CFAP20DC: variants seen among roughly 807,000 people sequenced by gnomAD.
The protein encoded by CFAP20DC is protein CFAP20DC.
Under a neutral mutation model 101.7 loss-of-function variants are expected in CFAP20DC, and 84 were observed. The ratio of observed to expected loss-of-function variants is 0.83; its 90% confidence interval spans 0.69 to 0.99. The LOEUF (loss-of-function observed/expected upper bound fraction) is 0.99, where lower values mean the gene tolerates loss of function less well. Among genes scored for constraint, CFAP20DC ranks in the 50% least tolerant of loss-of-function variants. CFAP20DC has a pLI of 0.00. For missense variants in CFAP20DC, 1,007 were observed against 970.3 expected, an observed-to-expected ratio of 1.04 and a Z score of -0.50; for synonymous variants, 359 against 351.2, an observed-to-expected ratio of 1.02 and a Z score of -0.25.
rs2067602587 is a variant in CFAP20DC, at chr3:58,729,406, A to G, written c.198-11778T>C. The stretch of plus-strand genomic sequence containing the variant: ...TTTATTAATATTTTGTGTCTTGTAT[A>G]CAGTAAAACAATTGATTTTTATATA... On this transcript the variant is annotated intron_variant, in intron 3 of 3. Transcript: ENST00000486145. This position sits in a 1 kb window ranked among gnomAD's most constrained non-coding sequence, Gnocchi z 4.4. Among the ~76,000 whole-genome samples the G allele has an allele frequency of 6.6e-6, 1 of 152,164 alleles. No homozygotes were observed. The highest frequency in any genetic ancestry group is 1.5e-5 in the Non-Finnish European group (1 of 68,022).
At chr3:59,030,672 C>T (rs1207622253) in intron 4 of CFAP20DC, among the ~76,000 whole-genome samples, 1 of 152,138 alleles carries the variant, frequency 6.6e-6, no homozygotes, top group Admixed American at 6.5e-5. Flanking sequence ...TTTTCCTATC[C>T]TTAAATAGGT....
At chr3:59,036,059 C>G (rs2094096956) in intron 4 of CFAP20DC, among the ~76,000 whole-genome samples, 1 of 152,180 alleles carries the variant, frequency 6.6e-6, no homozygotes, top group Admixed American at 6.5e-5. Flanking sequence ...ACCTCATGAT[C>G]TCAACAGATG....
At chr3:58,746,008 G>T (rs2365077) in intron 16 of CFAP20DC, among the ~76,000 whole-genome samples, 3,978 of 152,222 alleles carry the variant, frequency 0.026, 184 homozygotes, top group African/African-American at 0.09. Context: ...TGGAAAACAG[G>T]ATATGTGAGC....
rs538949801 is a variant in CFAP20DC at position 58,938,331 on chromosome 3, T to C, written c.279-569A>G. Among the ~76,000 whole-genome samples the C allele has an allele frequency of 3.9e-5, 6 of 152,292 alleles. No individual in the cohort carries two copies. In the East Asian group the frequency reaches 9.6e-4, roughly 24 times the overall value. ...CAACCCACAGTGATACCAAGGACAC[T>C]GAATCTGAACATCTTTAATAGATTT... On this transcript the variant is annotated intron_variant, in intron 4 of 16. Transcript: ENST00000482387.
intron 7 of CFAP20DC, among the ~76,000 whole-genome samples, chr3:58,878,533 A>T (rs73837998): frequency 0.055 from 8,420 of 152,248 alleles, 757 homozygotes; most frequent in African/African-American, 0.19. Flanking sequence ...AAACAAGTTT[A>T]TCATTTCAAG....
chr3:58,944,071 A>G (rs1410143765), intron 4 of CFAP20DC, among the ~76,000 whole-genome samples: 2 of 152,212 alleles, frequency 1.3e-5, no homozygotes, highest in Non-Finnish European at 2.9e-5. Flanking sequence ...AGATGGAACT[A>G]TGTAAAATGA....
intron 5 of CFAP20DC, among the ~76,000 whole-genome samples, chr3:58,932,464 A>G (rs919193078): frequency 2.0e-5 from 3 of 152,092 alleles, no homozygotes; most frequent in African/African-American, 7.3e-5. Flanking sequence ...TCCAAGACAC[A>G]TAATTGTCAG....
Position 58,861,272 on chromosome 3 carries a change from CATA to C in CFAP20DC, c.1593+2283_1593+2285del. The C allele has an allele frequency of 1.6e-6, 1 of 641,056 alleles. No individual in the cohort carries two copies. The allele number at this position is 641,056 out of a possible 1,614,324, so 39.7% of individuals were successfully genotyped here. On this transcript the variant is annotated intron_variant, in intron 12 of 16. Transcript: ENST00000482387. The surrounding 1 kb of genome is among the most constrained non-coding windows in gnomAD (Gnocchi z 4.0). ...TTAATTACACTTTATAAACTTCAAGCATAATAATATAATTGTTATTCACTTGTC... is the reference window on the plus strand; with the variant it reads ...TTAATTACACTTTATAAACTTCAAGCATAATATAATTGTTATTCACTTGTC...
intron 15 of CFAP20DC, among the ~76,000 whole-genome samples, chr3:58,798,326 T>C (rs1374553341): frequency 6.6e-6 from 1 of 152,116 alleles, no homozygotes; most frequent in African/African-American, 2.4e-5. Context: ...GTTCCAACCA[T>C]CATGGATGAC....
chr3:58,862,859 A>C, intron 12 of CFAP20DC: 1 of 985,036 alleles, frequency 1.0e-6, no homozygotes, highest in Non-Finnish European at 1.2e-6. Context: ...TCCACGACTA[A>C]ATGCACTTCC....
intron 14 of CFAP20DC, among the ~76,000 whole-genome samples, chr3:58,809,084 A>G (rs1469464365): frequency 6.6e-6 from 1 of 152,130 alleles, no homozygotes; most frequent in East Asian, 1.9e-4. Flanking sequence ...AGTGACCTAC[A>G]AAGAGACTTA....
intron 4 of CFAP20DC, among the ~76,000 whole-genome samples, chr3:59,038,228 C>T (rs3866332): frequency 0.19 from 28,382 of 151,892 alleles, 2,703 homozygotes; most frequent in Non-Finnish European, 0.2. Context: ...CGTGTATACC[C>T]ATGTAACAAA....
intron 4 of CFAP20DC, among the ~76,000 whole-genome samples, chr3:58,952,063 G>A (rs1466577391): frequency 1.3e-5 from 2 of 152,148 alleles, no homozygotes; most frequent in East Asian, 3.9e-4. Context: ...ATGATGGTTA[G>A]GGGGTAGGGT....
At chr3:58,782,601 C>T (rs933376922) in intron 15 of CFAP20DC, among the ~76,000 whole-genome samples, 1 of 152,006 alleles carries the variant, frequency 6.6e-6, no homozygotes, top group Non-Finnish European at 1.5e-5. Context: ...AGTCAACATA[C>T]AAATATTAGT....
At chr3:58,960,990 TTA>T (rs1000091409) in intron 4 of CFAP20DC, among the ~76,000 whole-genome samples, 24 of 152,300 alleles carry the variant, frequency 1.6e-4, no homozygotes, top group Middle Eastern at 3.4e-3. Context: ...TCTGTCCCTA[TTA>T]TGGTGATTAT....
chr3:58,906,223 C>T (rs2083571443), intron 6 of CFAP20DC, among the ~76,000 whole-genome samples: 1 of 152,114 alleles, frequency 6.6e-6, no homozygotes, highest in African/African-American at 2.4e-5. Flanking sequence ...CATCACCATC[C>T]CCACTACCGT....
At chr3:58,846,920 T>C (rs1470930707) in intron 13 of CFAP20DC, among the ~76,000 whole-genome samples, 11 of 150,252 alleles carry the variant, frequency 7.3e-5, no homozygotes, top group Admixed American at 6.0e-4. Context: ...GGGGAAAGGA[T>C]TCCCTATTTA....
intron 4 of CFAP20DC, among the ~76,000 whole-genome samples, chr3:58,941,566 ATTTC>A (rs956652065): frequency 1.3e-5 from 2 of 149,530 alleles, no homozygotes; most frequent in Non-Finnish European, 1.5e-5. Context: ...TATAACTTTC[ATTTC>A]TTTTTCTTTT....
In CFAP20DC at chr3:58,742,342, TCA is replaced by T. The variant is rs2067919031; in HGVS notation, c.*116_*117del. ...TATTTACAAAATGAATTCGTTTCTC[TCA>T]GTTACTGTTGATTTTGTGGTCACCC... On this transcript the variant is annotated 3_prime_UTR_variant, in exon 17 of 17. Coordinates refer to ENST00000482387, the MANE Select transcript of CFAP20DC (RefSeq NM_001394063.1). 1 of 1,291,474 alleles carries T rather than the reference TCA, an allele frequency of 7.7e-7. No homozygotes were observed. The highest frequency in any genetic ancestry group is 9.9e-7 in the Non-Finnish European group (1 of 1,011,096). 80.0% of individuals were successfully genotyped at this position (1,291,474 alleles called of 1,614,324 possible).
Sources: allele counts gnomAD v4.1 joint callset (sites outside exome capture counted in the v4.1 genomes callset), GRCh38; gene constraint gnomAD v4.1.1; non-coding constraint Gnocchi (gnomAD v3.1); transcripts MANE v1.5; gene names NCBI Gene and HGNC (gene_info 2026-07-23, HGNC 2026-07-21).